The following TUFT1 variants were observed in gnomAD, a reference collection of about 807,000 sequenced individuals.
TUFT1 encodes the protein tuftelin.
A neutral mutation model predicts 57.8 loss-of-function variants in TUFT1; 43 were observed. The ratio of observed to expected loss-of-function variants is 0.74; its 90% CI spans 0.58 to 0.96. The LOEUF (loss-of-function observed/expected upper bound fraction) is 0.96, where lower values mean the gene tolerates loss of function less well. TUFT1 is among the 40% of genes least tolerant of loss of function. The probability of loss-of-function intolerance (pLI) is 0.00; values close to 1 mark genes in which losing one functional copy is unlikely to be tolerated. For missense variants in TUFT1, 459 were observed against 489.0 expected, an observed-to-expected ratio of 0.94 and a Z score of 0.58; for synonymous variants, 166 against 176.7, an observed-to-expected ratio of 0.94 and a Z score of 0.48.
At chr1:151,553,829 A>G (rs891792327) in intron 1 of TUFT1, among the ~76,000 whole-genome samples, 1 of 151,224 alleles carries the variant, frequency 6.6e-6, no homozygotes, top group African/African-American at 2.4e-5. Context: ...TTTTTTTTTT[A>G]TCCATTTCAT....
intron 1 of TUFT1, chr1:151,557,647 T>C: frequency 9.8e-7 from 1 of 1,015,534 alleles, no homozygotes; most frequent in Non-Finnish European, 1.6e-6. Context: ...ACATTTCCAC[T>C]GGTACGTTAC....
intron 11 of TUFT1, among the ~76,000 whole-genome samples, chr1:151,580,661 CAAA>C (rs10714430): frequency 1.3e-4 from 9 of 71,892 alleles, no homozygotes; most frequent in Admixed American, 5.1e-4. Flanking sequence ...GACCCTATCT[CAAA>C]AAAAAAAAAA....
At chr1:151,567,811 G>A (rs575236830) in intron 6 of TUFT1, among the ~76,000 whole-genome samples, 15 of 152,236 alleles carry the variant, frequency 9.9e-5, no homozygotes, top group Non-Finnish European at 2.1e-4. Flanking sequence ...CTCCCAAAGT[G>A]TTAGGATTAC....
At position 151,557,538 on chromosome 1, in the gene TUFT1, C is replaced by G. The variant is rs557468120; in HGVS notation, c.61-4553C>G. ...AGAAGGATGTCCACATGCCTAAGCA[C>G]CGGGAGCTGGCAGACAAGGATGTGC... On this transcript the variant is annotated intron_variant, in intron 1 of 12. Coordinates refer to ENST00000368849, the MANE Select transcript of TUFT1 (RefSeq NM_020127.3). 9.0e-6 allele frequency: 11 copies of G among 1,225,102 alleles called. No individual in the cohort carries two copies. In the African/African-American group the frequency reaches 1.6e-4, roughly 18 times the overall value. 75.9% of individuals were successfully genotyped at this position (1,225,102 alleles called of 1,614,324 possible). A position where few individuals can be genotyped will look rare whatever the true frequency, so the allele number is the denominator to read the frequency against.
rs145270740 is a variant in TUFT1, at chr1:151,564,719, C to T, written c.414+105C>T. On this transcript the variant is annotated intron_variant, in intron 5 of 12. Coordinates refer to ENST00000368849, the MANE Select transcript of TUFT1 (RefSeq NM_020127.3). ...GTGTGTGCTAAATCTAGCATCCCTG[C>T]CAGGAATGGAGAAAATAGAGGTGAT... 1.1e-4 allele frequency: 107 copies of T among 944,722 alleles called. 1 individual carries two copies. Among genetic ancestry groups the T allele is most frequent in the Admixed American group, 5.2e-4 (25 of 47,852 alleles). The allele number at this position is 944,722 out of a possible 1,614,324, so 58.5% of individuals were successfully genotyped here. A position where few individuals can be genotyped will look rare whatever the true frequency, so the allele number is the denominator to read the frequency against.
intron 1 of TUFT1, among the ~76,000 whole-genome samples, chr1:151,545,581 C>T (rs1665307837): frequency 6.6e-6 from 1 of 152,204 alleles, no homozygotes; most frequent in African/African-American, 2.4e-5. Context: ...TTTCTACTGG[C>T]TTAGACTAGA....
intron 7 of TUFT1, among the ~76,000 whole-genome samples, chr1:151,571,784 G>A (rs370434615): frequency 2.6e-5 from 4 of 152,274 alleles, no homozygotes; most frequent in South Asian, 4.1e-4. Context: ...GGAGTCTGCC[G>A]CTCTGGATTT....
intron 7 of TUFT1, among the ~76,000 whole-genome samples, chr1:151,573,534 C>T (rs1300136196): frequency 6.6e-6 from 1 of 152,184 alleles, no homozygotes; most frequent in Non-Finnish European, 1.5e-5. Context: ...CACCTGAGGT[C>T]AGGAGTTCGA....
In TUFT1 at chr1:151,579,694, C is replaced by T; in HGVS notation, c.970C>T (p.Gln324Ter). 6.2e-7 allele frequency: 1 copy of T among 1,614,030 alleles called. No homozygotes were observed. The highest frequency in any genetic ancestry group is 8.5e-7 in the Non-Finnish European group (1 of 1,179,986). The change falls in exon 11 of 13, where the codon CAG (glutamine) becomes TAG (stop). Residue 324 changes from glutamine (Q) to a stop codon, truncating the protein, a stop_gained. Transcript: ENST00000368849. LOFTEE classifies it high-confidence loss of function. ...GATCCAGTCAAAGGACGCCACCATC[C>T]AGGAGCTCAAGGAGAAAATCGCCTA... ...AVIQSKDATI[Q>*]ELKEKIAYLE...
chr1:151,560,016 G>A lies in TUFT1; in HGVS notation c.61-2075G>A, dbSNP rs1009182520. 2.6e-5 allele frequency among the ~76,000 whole-genome samples: 4 copies of A among 151,002 alleles called. No individual in the cohort carries two copies. In the East Asian group the frequency reaches 6.0e-4, roughly 23 times the overall value. ...TCACCATGTTGGCCAGGCTGGTCTC[G>A]AACTCCTGACCTCAGGTGATCCTCC... On this transcript the variant is annotated intron_variant, in intron 1 of 12. Transcript: ENST00000368849.
At chr1:151,543,583 G>A (rs959505760) in intron 1 of TUFT1, among the ~76,000 whole-genome samples, 1 of 152,178 alleles carries the variant, frequency 6.6e-6, no homozygotes, top group Non-Finnish European at 1.5e-5. Context: ...GAAGGAAATA[G>A]AGCAGTTCAC....
chr1:151,558,260 A>G (rs1665776283), intron 1 of TUFT1, among the ~76,000 whole-genome samples: 1 of 151,762 alleles, frequency 6.6e-6, no homozygotes, highest in Admixed American at 6.6e-5. Flanking sequence ...TCCTTTGTCA[A>G]TTCTGAATTG....
At chr1:151,560,448 A>G (rs1370735277) in intron 1 of TUFT1, among the ~76,000 whole-genome samples, 1 of 152,158 alleles carries the variant, frequency 6.6e-6, no homozygotes, top group Non-Finnish European at 1.5e-5. Context: ...TTGGATGGTA[A>G]TATACCCCTT....
intron 5 of TUFT1, 44 bp from the exon 6 acceptor site, chr1:151,566,119 G>A: frequency 1.5e-6 from 2 of 1,362,470 alleles, no homozygotes; most frequent in African/African-American, 1.5e-5. Context: ...AAAGTTGGTT[G>A]CTTTCATCTG....
In TUFT1 at chr1:151,545,936, C is replaced by T. The variant is rs145157333; in HGVS notation, c.60+5510C>T. ...CTCATGACCAAGGCAGCTGGTGTCC[C>T]CTGCTGCTCTGGTTTCTTTAAGTAA... On this transcript the variant is annotated intron_variant, in intron 1 of 12. Coordinates refer to ENST00000368849, the MANE Select transcript of TUFT1 (RefSeq NM_020127.3). 7.9e-6 allele frequency: 4 copies of T among 509,328 alleles called. No individual in the cohort carries two copies. The East Asian group carries it at 2.3e-4, about 29-fold the overall frequency. The allele number at this position is 509,328 out of a possible 1,614,324, so 31.6% of individuals were successfully genotyped here.
chr1:151,574,842 C>G, intron 8 of TUFT1, 69 bp from the exon 9 acceptor site: 2 of 1,363,768 alleles, frequency 1.5e-6, no homozygotes, highest in Non-Finnish European at 2.0e-6. Flanking sequence ...AGCCTGGCGC[C>G]CATCTTAGCC....
At chr1:151,579,255 G>A (rs1666572282) in intron 10 of TUFT1, among the ~76,000 whole-genome samples, 1 of 152,176 alleles carries the variant, frequency 6.6e-6, no homozygotes. Context: ...CCCCATAACT[G>A]GGAGGCTGTA....
intron 1 of TUFT1, among the ~76,000 whole-genome samples, chr1:151,542,649 C>T (rs976420079): frequency 4.6e-5 from 7 of 152,156 alleles, no homozygotes; most frequent in African/African-American, 7.2e-5. Flanking sequence ...TTGAAGCTAA[C>T]CAGAGACCTC....
At chr1:151,552,256 G>C (rs1665535194) in intron 1 of TUFT1, among the ~76,000 whole-genome samples, 1 of 152,156 alleles carries the variant, frequency 6.6e-6, no homozygotes, top group Non-Finnish European at 1.5e-5. Flanking sequence ...TGCTGAACAT[G>C]TGGGTAATTT....
Sources: gnomAD v4.1 joint callset for allele counts (sites outside exome capture counted in the v4.1 genomes callset) on GRCh38, gnomAD v4.1.1 for gene constraint, MANE v1.5 for transcripts, NCBI Gene and HGNC (gene_info 2026-07-23, HGNC 2026-07-21) for gene names.